Variants in MED15 observed in about 807,000 individuals in gnomAD.
The protein encoded by MED15 is mediator of RNA polymerase II transcription subunit 15.
In MED15, 41 loss-of-function variants were observed where a neutral mutation model predicts 118.7. The ratio of observed to expected loss-of-function variants is 0.35; its 90% CI spans 0.27 to 0.45. The LOEUF (loss-of-function observed/expected upper bound fraction) is 0.45, where lower values mean the gene tolerates loss of function less well. MED15 is among the 20% of genes least tolerant of loss of function. The pLI, the probability that MED15 is intolerant of heterozygous loss-of-function variation, is 1.00. For synonymous variants in MED15, 436 were observed against 413.9 expected, an observed-to-expected ratio of 1.05 and a Z score of -0.65; for missense variants, 740 against 1,025.5, an observed-to-expected ratio of 0.72 and a Z score of 3.80.
At chr22:20,551,159 C>T (rs543044866) in intron 2 of MED15, 230 of 621,164 alleles carry the variant, frequency 3.7e-4, no homozygotes, top group Non-Finnish European at 6.0e-4. Flanking sequence ...TGGCTCCCAG[C>T]TCTCTCAGCT....
chr22:20,579,701 G>A (rs1396339722), intron 9 of MED15, among the ~76,000 whole-genome samples: 1 of 152,252 alleles, frequency 6.6e-6, no homozygotes, highest in Non-Finnish European at 1.5e-5. Context: ...CAGAAATGCA[G>A]TTCAGGCCAT....
At chr22:20,582,426 A>AC (rs2057014263) in intron 9 of MED15, 185 bp from the exon 10 acceptor site, 1 of 917,086 alleles carries the variant, frequency 1.1e-6, no homozygotes, top group African/African-American at 1.7e-5. Context: ...CCCCTTGGTC[A>AC]CCTCATGCTG....
chr22:20,585,467 C>A, intron 16 of MED15, 200 bp downstream of exon 16: 1 of 757,370 alleles, frequency 1.3e-6, no homozygotes, highest in Non-Finnish European at 2.1e-6. Flanking sequence ...AGAGCCCGCA[C>A]ACTCTCACCT....
At chr22:20,551,590 A>G (rs767274621) in intron 3 of MED15, 103 bp downstream of exon 3, 1 of 1,109,018 alleles carries the variant, frequency 9.0e-7, no homozygotes, top group Non-Finnish European at 1.4e-6. Context: ...TGCCTGAGTC[A>G]GAAGGTCTGT....
intron 11 of MED15, 59 bp from the exon 12 acceptor site, chr22:20,583,053 GA>G: frequency 6.4e-7 from 1 of 1,562,104 alleles, no homozygotes; most frequent in Non-Finnish European, 8.7e-7. Flanking sequence ...GGGGCCCTCA[GA>G]GCTCAAGTTC....
intron 5 of MED15, among the ~76,000 whole-genome samples, chr22:20,557,295 CA>C (rs2146542979): frequency 6.6e-6 from 1 of 152,266 alleles, no homozygotes; most frequent in South Asian, 2.1e-4. Flanking sequence ...GGGCCATAGG[CA>C]TCCTCATTTC....
In MED15 at chr22:20,576,992, T is replaced by C. The variant is rs117206542; in HGVS notation, c.1272+1760T>C. On this transcript the variant is annotated intron_variant, in intron 9 of 17. Coordinates refer to ENST00000263205, the MANE Select transcript of MED15 (RefSeq NM_001003891.3). ...GACTGATTTTTATAAACACAAAAAG[T>C]CCCCAATGTTTTCAGTGTGCGATAT... 3.6e-3 allele frequency among the ~76,000 whole-genome samples: 541 copies of C among 152,250 alleles called. 2 individuals carry two copies. Among genetic ancestry groups the C allele is most frequent in the Non-Finnish European group, 6.3e-3 (428 of 68,008 alleles).
intron 9 of MED15, 109 bp from the exon 10 acceptor site, chr22:20,582,502 T>C: frequency 6.7e-7 from 1 of 1,490,082 alleles, no homozygotes; most frequent in Non-Finnish European, 9.0e-7. Context: ...GACACAGGTG[T>C]GTGGTGAGGC....
chr22:20,519,910 C>T (rs907199691), intron 1 of MED15, among the ~76,000 whole-genome samples: 1 of 152,152 alleles, frequency 6.6e-6, no homozygotes, highest in Non-Finnish European at 1.5e-5. Flanking sequence ...GCTTCGTTTC[C>T]TTTTATTTGT....
At position 20,555,151 on chromosome 22, in the gene MED15, G is replaced by A; in HGVS notation, c.451+3G>A. On this transcript the variant is annotated splice_donor_region_variant and intron_variant, in intron 5 of 17. Transcript: ENST00000263205. ...CGTGTCTACGGCAACTCCACAGAGT[G>A]AGTACCACACTTCTTGGAGGATTTG... 3 of 1,590,890 alleles carry A rather than the reference G, an allele frequency of 1.9e-6. No individual in the cohort carries two copies. In the South Asian group the frequency reaches 3.4e-5, roughly 18 times the overall value.
intron 1 of MED15, chr22:20,508,373 A>G: frequency 7.7e-7 from 1 of 1,304,196 alleles, no homozygotes; most frequent in Non-Finnish European, 1.0e-6. Context: ...GCCCCTCACC[A>G]CCGACTGCTT....
At chr22:20,521,053 T>A (rs1412086400) in intron 1 of MED15, among the ~76,000 whole-genome samples, 1 of 150,806 alleles carries the variant, frequency 6.6e-6, no homozygotes, top group Non-Finnish European at 1.5e-5. Context: ...GTGTGAAATT[T>A]ATCCTCATTT....
At chr22:20,546,094 T>A (rs2055524919) in intron 2 of MED15, among the ~76,000 whole-genome samples, 1 of 152,128 alleles carries the variant, frequency 6.6e-6, no homozygotes, top group Admixed American at 6.6e-5. Context: ...AACGCTTTTT[T>A]CCTAATAGTT....
At chr22:20,548,365 A>G (rs1032348501) in intron 2 of MED15, among the ~76,000 whole-genome samples, 7 of 152,056 alleles carry the variant, frequency 4.6e-5, no homozygotes, top group African/African-American at 1.7e-4. Context: ...GAGTTTCACC[A>G]TGTTGGCCAG....
chr22:20,568,690 A>G, intron 8 of MED15, 59 bp downstream of exon 8: 1 of 1,579,158 alleles, frequency 6.3e-7, no homozygotes, highest in Non-Finnish European at 8.6e-7. Flanking sequence ...TCACCTGCGC[A>G]TGTAGTGCTA....
At position 20,585,822 on chromosome 22, in the gene MED15, G is replaced by A. The variant is rs2057118844; in HGVS notation, c.2226G>A (p.Gln742=). Residue 742 remains glutamine, a synonymous_variant, in exon 17 of 18, where the codon CAG becomes CAA. Transcript: ENST00000263205. ...QSPLWIDRQW[Q]YDANPFLQSV... is the part of the protein sequence containing the mutation. Reference sequence around the variant, plus strand: ...CGCTGTGGATAGACCGGCAGTGGCAGTACGGTAGGTAGACCCAGAGGAGCT... The same window carrying A: ...CGCTGTGGATAGACCGGCAGTGGCAATACGGTAGGTAGACCCAGAGGAGCT... 4 of 1,612,684 alleles carry A rather than the reference G, an allele frequency of 2.5e-6. No homozygotes were observed. The highest frequency in any genetic ancestry group is 3.4e-6 in the Non-Finnish European group (4 of 1,179,914).
intron 2 of MED15, among the ~76,000 whole-genome samples, chr22:20,549,038 G>A (rs1182355837): frequency 6.6e-6 from 1 of 152,078 alleles, no homozygotes; most frequent in Admixed American, 6.6e-5. Flanking sequence ...TGGCCTCAAG[G>A]GACCCTCCTG....
chr22:20,582,315 C>T, intron 9 of MED15: 1 of 514,200 alleles, frequency 1.9e-6, no homozygotes, highest in Non-Finnish European at 3.5e-6. Context: ...TCCCAGACTG[C>T]CCTTTTCCTC....
chr22:20,522,563 C>G (rs1490193072), intron 1 of MED15, among the ~76,000 whole-genome samples: 2 of 152,090 alleles, frequency 1.3e-5, no homozygotes, highest in African/African-American at 2.4e-5. Flanking sequence ...CGTGTGCATG[C>G]GTATATGAGC....
Sources: gnomAD v4.1 joint callset for allele counts (sites outside exome capture counted in the v4.1 genomes callset) on GRCh38, gnomAD v4.1.1 for gene constraint, MANE v1.5 for transcripts, NCBI Gene and HGNC (gene_info 2026-07-23, HGNC 2026-07-21) for gene names.